The following POLL variants were observed in gnomAD, a reference collection of about 807,000 sequenced individuals.
POLL encodes the protein DNA polymerase lambda, also known as DNA polymerase beta-2.
A neutral mutation model predicts 58.1 loss-of-function variants in POLL; 44 were observed. The observed-to-expected ratio is 0.76, with a 90% CI of 0.60 to 0.97. The LOEUF (loss-of-function observed/expected upper bound fraction) is 0.97, where lower values mean the gene tolerates loss of function less well. Ranked by LOEUF, POLL falls within the 50% of genes least tolerant of loss-of-function variation. The pLI is 0.00. For synonymous variants in POLL, 290 were observed against 283.2 expected (o/e 1.02, Z -0.24); for missense variants, 632 against 736.8 (o/e 0.86, Z 1.65).
chr10:101,579,027 CCA>C lies in POLL; in HGVS notation c.*424_*425del, dbSNP rs2062834963. 2 of 214,910 alleles carry C rather than the reference CCA, an allele frequency of 9.3e-6. No individual in the cohort carries two copies. The highest frequency in any genetic ancestry group is 1.9e-5 in the Non-Finnish European group (2 of 106,752). 13.3% of individuals were successfully genotyped at this position (214,910 alleles called of 1,614,324 possible). On this transcript the variant is annotated 3_prime_UTR_variant, in exon 9 of 9. Transcript: ENST00000370162. The surrounding 1 kb of genome is among the most constrained non-coding windows in gnomAD (Gnocchi z 4.4). ...CATGTGGAATGGCTGTTCTCCTACC[CCA>C]GAGGGTGCCGGATGATGTTGACAGC...
chr10:101,581,286 C>A (rs2062973249), intron 7 of POLL: 1 of 152,294 alleles, frequency 6.6e-6, no homozygotes, highest in South Asian at 2.1e-4. Context: ...CATCAAAACT[C>A]CTATGGCTGG....
chr10:101,585,498 A>G lies in POLL; in HGVS notation c.411-20T>C. 2.0e-6 allele frequency: 3 copies of G among 1,502,076 alleles called. No individual in the cohort carries two copies. The highest frequency in any genetic ancestry group is 1.8e-6 in the Non-Finnish European group (2 of 1,123,828). The allele number at this position is 1,502,076 out of a possible 1,614,324, so 93.0% of individuals were successfully genotyped here. ...AAGTACCTGTGGGGATGGTGATGGG[A>G]GGTTAAGACACCAAAGGTCTCACCC... On this transcript the variant is annotated intron_variant, in intron 3 of 8. Transcript: ENST00000370162.
rs1465176639 is a variant in POLL, at chr10:101,579,699, C to T, written c.1482G>A (p.Val494=). The change falls in exon 9 of 9, where the codon GTG becomes GTA. Residue 494 remains valine (V), a synonymous_variant. Coordinates refer to ENST00000370162, the MANE Select transcript of POLL (RefSeq NM_001174084.2). This position sits in a 1 kb window ranked among gnomAD's most constrained non-coding sequence, Gnocchi z 4.4. The stretch of plus-strand genomic sequence containing the variant: ...GGGCACAGGCAAACTCGCTATAGGG[C>T]ACCACGATGATGTCCAGGCGCCGGT... ...RRHRRLDIIV[V]PYSEFACALL... 4 of 1,613,856 alleles carry T rather than the reference C, an allele frequency of 2.5e-6. No individual in the cohort carries two copies. Among genetic ancestry groups the T allele is most frequent in the Non-Finnish European group, 8.5e-7 (1 of 1,180,016 alleles).
chr10:101,587,082 A>G, intron 2 of POLL, 164 bp downstream of exon 2: 1 of 1,498,708 alleles, frequency 6.7e-7, no homozygotes. Flanking sequence ...CCTGTCCAAG[A>G]CCCAGGACCA....
rs757431937 is a variant in POLL, at chr10:101,580,452, C to A, written c.1195-36G>T. 1 of 1,597,264 alleles carries A rather than the reference C, an allele frequency of 6.3e-7. No individual in the cohort carries two copies. The highest frequency in any genetic ancestry group is 1.3e-5 in the African/African-American group (1 of 74,672). On this transcript the variant is annotated intron_variant, in intron 7 of 8. Coordinates refer to ENST00000370162, the MANE Select transcript of POLL (RefSeq NM_001174084.2). This position sits in a 1 kb window ranked among gnomAD's most constrained non-coding sequence, Gnocchi z 4.1. The stretch of plus-strand genomic sequence containing the variant: ...GAGCGGTGACAGGTGAGGGGCTGTG[C>A]GTGGGGAGCTCCTCTCCCACAGCAG...
Position 101,587,832 on chromosome 10 carries a change from G to A in POLL, c.-57C>T. On this transcript the variant is annotated 5_prime_UTR_variant, in exon 1 of 9. Transcript: ENST00000370162. ...ATACTATTTCTCTACCTCCAACACA[G>A]ACTCGCAGAGGAAGGAGGAGGACTT... is the stretch of plus-strand genomic sequence containing the variant. The A allele has an allele frequency of 1.7e-6, 2 of 1,190,390 alleles. No homozygotes were observed. The highest frequency in any genetic ancestry group is 3.1e-5 in the South Asian group (2 of 64,120). 73.7% of individuals were successfully genotyped at this position (1,190,390 alleles called of 1,614,324 possible). A position where few individuals can be genotyped will look rare whatever the true frequency, so the allele number is the denominator to read the frequency against.
Position 101,580,489 on chromosome 10 carries a change from TC to T in POLL, c.1195-74del. 1 of 1,396,210 alleles carries T rather than the reference TC, an allele frequency of 7.2e-7. No individual in the cohort carries two copies. The highest frequency in any genetic ancestry group is 9.9e-7 in the Non-Finnish European group (1 of 1,005,450). The allele number at this position is 1,396,210 out of a possible 1,614,324, so 86.5% of individuals were successfully genotyped here. On this transcript the variant is annotated intron_variant, in intron 7 of 8. Transcript: ENST00000370162. This position sits in a 1 kb window ranked among gnomAD's most constrained non-coding sequence, Gnocchi z 4.1. Reference sequence around the variant, plus strand: ...CTCTCCCACAGCAGTACAAGGGCCTTCCCAGACTCGGGCCCACACCCTCAGC... The same window carrying T: ...CTCTCCCACAGCAGTACAAGGGCCTTCCAGACTCGGGCCCACACCCTCAGC...
rs377729113 is a variant in POLL at position 101,579,549 on chromosome 10, C to G, written c.1632G>C (p.Lys544Asn). 6.2e-7 allele frequency: 1 copy of G among 1,614,002 alleles called. No homozygotes were observed. The highest frequency in any genetic ancestry group is 2.2e-5 in the East Asian group (1 of 44,872). The stretch of plus-strand genomic sequence containing the variant: ...TGGGCAGCACTCGGCCAGGCCCCAC[C>G]TTGCAGCCATGGGTGTTCCGGACCA... ...TAVVRNTHGC[K>N]VGPGRVLPTP... The change falls in exon 9 of 9, where the codon AAG (lysine) becomes AAC (asparagine). Residue 544 changes from lysine to asparagine, a missense_variant. Coordinates refer to ENST00000370162, the MANE Select transcript of POLL (RefSeq NM_001174084.2). The surrounding 1 kb of genome is among the most constrained non-coding windows in gnomAD (Gnocchi z 4.4).
intron 3 of POLL, 140 bp from the exon 4 acceptor site, chr10:101,585,618 C>T: frequency 1.2e-6 from 1 of 822,568 alleles, no homozygotes; most frequent in Non-Finnish European, 1.8e-6. Flanking sequence ...TGGAGTTTCT[C>T]TTGAGACAGG....
chr10:101,579,774 C>T lies in POLL; in HGVS notation c.1407G>A (p.Gln469=). The change falls in exon 9 of 9, where the codon CAG becomes CAA. Residue 469 remains glutamine (Q), a synonymous_variant. Coordinates refer to ENST00000370162, the MANE Select transcript of POLL (RefSeq NM_001174084.2). The surrounding 1 kb of genome is among the most constrained non-coding windows in gnomAD (Gnocchi z 4.4). ...DDLVSQEENG[Q]QQKYLGVCRL... is the part of the protein sequence containing the mutation. ...GGCACACCCCCAAGTACTTCTGTTGCTGACCATTCTCCTCTTGGCTCACCA... is the reference window on the plus strand; with the variant it reads ...GGCACACCCCCAAGTACTTCTGTTGTTGACCATTCTCCTCTTGGCTCACCA... The T allele has an allele frequency of 6.2e-7, 1 of 1,613,840 alleles. No homozygotes were observed. The highest frequency in any genetic ancestry group is 2.2e-5 in the East Asian group (1 of 44,870).
Position 101,579,891 on chromosome 10 carries a change from T to C in POLL, c.1364-74A>G. 6.6e-7 allele frequency: 1 copy of C among 1,518,108 alleles called. No individual in the cohort carries two copies. The highest frequency in any genetic ancestry group is 8.9e-7 in the Non-Finnish European group (1 of 1,128,514). The allele number at this position is 1,518,108 out of a possible 1,614,324, so 94.0% of individuals were successfully genotyped here. Reference sequence around the variant, plus strand: ...CTGTCCCATCCTCCCAGGTCTCTCCTGATGTCTAAGCTGGGGCTTGCCCAG... The same window carrying C: ...CTGTCCCATCCTCCCAGGTCTCTCCCGATGTCTAAGCTGGGGCTTGCCCAG... On this transcript the variant is annotated intron_variant, in intron 8 of 8. Transcript: ENST00000370162. The surrounding 1 kb of genome is among the most constrained non-coding windows in gnomAD (Gnocchi z 4.4).
rs888231896 is a variant in POLL, at chr10:101,579,964, T to C, written c.1364-147A>G. On this transcript the variant is annotated intron_variant, in intron 8 of 8. Coordinates refer to ENST00000370162, the MANE Select transcript of POLL (RefSeq NM_001174084.2). The surrounding 1 kb of genome is among the most constrained non-coding windows in gnomAD (Gnocchi z 4.4). ...CTCTCTGGGCCCTTCTCCTTTTCTG[T>C]AAAACATGGATAGTAATTCCCATCT... 59 of 867,924 alleles carry C rather than the reference T, an allele frequency of 6.8e-5. No homozygotes were observed. Among genetic ancestry groups the C allele is most frequent in the Non-Finnish European group, 8.0e-5 (46 of 575,756 alleles). The allele number at this position is 867,924 out of a possible 1,614,324, so 53.8% of individuals were successfully genotyped here.
At position 101,583,520 on chromosome 10, in the gene POLL, C is replaced by T. The variant is rs542569736; in HGVS notation, c.1053G>A (p.Met351Ile). The part of the protein sequence containing the change: ...IWGAGTKTAQ[M>I]WYQQGFRSLE... ...GCCAGGGTGTGACCTGTTGGTACCA[C>T]ATCTGGGCAGTCTTGGTCCCAGCTC... The change falls in exon 6 of 9, where the codon ATG (methionine) becomes ATA (isoleucine). Residue 351 changes from methionine to isoleucine, a missense_variant. Coordinates refer to ENST00000370162, the MANE Select transcript of POLL (RefSeq NM_001174084.2). 5 of 1,612,884 alleles carry T rather than the reference C, an allele frequency of 3.1e-6. No individual in the cohort carries two copies. The African/African-American group carries it at 4.0e-5, about 13-fold the overall frequency.
Position 101,580,680 on chromosome 10 carries a change from C to G in POLL, c.1195-264G>C, listed in dbSNP as rs868195736. On this transcript the variant is annotated intron_variant, in intron 7 of 8. Transcript: ENST00000370162. This position sits in a 1 kb window ranked among gnomAD's most constrained non-coding sequence, Gnocchi z 4.1. ...CCGGCTCTGCTTCTGAGAGTGGGCA[C>G]TGAGCTTGCCCTGTGGAGCTCTTTA... 5 of 433,040 alleles carry G rather than the reference C, an allele frequency of 1.2e-5. No individual in the cohort carries two copies. Among genetic ancestry groups the G allele is most frequent in the African/African-American group, 6.1e-5 (3 of 49,462 alleles). 26.8% of individuals were successfully genotyped at this position (433,040 alleles called of 1,614,324 possible).
chr10:101,588,168 T>C lies in POLL; in HGVS notation c.-393A>G, dbSNP rs1346769315. 5 of 1,523,052 alleles carry C rather than the reference T, an allele frequency of 3.3e-6. No individual in the cohort carries two copies. The highest frequency in any genetic ancestry group is 4.4e-6 in the Non-Finnish European group (5 of 1,137,208). The allele number at this position is 1,523,052 out of a possible 1,614,324, so 94.3% of individuals were successfully genotyped here. A position where few individuals can be genotyped will look rare whatever the true frequency, so the allele number is the denominator to read the frequency against. On this transcript the variant is annotated 5_prime_UTR_variant, in exon 1 of 9. Transcript: ENST00000370162. ...GGGTGGGGTCGACTACTGGCCAAGC[T>C]AGTCACCCGGGGGTGGGCAGGAATA... is the stretch of plus-strand genomic sequence containing the variant.
rs147811477 is a variant in POLL, at chr10:101,584,741, T to C, written c.752A>G (p.Asn251Ser). The C allele has an allele frequency of 7.4e-5, 120 of 1,613,962 alleles. No homozygotes were observed. Among genetic ancestry groups the C allele is most frequent in the African/African-American group, 2.1e-4 (16 of 74,916 alleles). The stretch of plus-strand genomic sequence containing the variant: ...CTTCTCTGTGATATGGAGGTTGTGA[T>C]TGGTCGCCTTCTGGCTTGAGGGCTG... ...CAQPSSQKAT[N>S]HNLHITEKLE... is the part of the protein sequence containing the mutation. The change falls in exon 5 of 9, where the codon AAT becomes AGT. Residue 251 changes from asparagine to serine, a missense_variant. By Grantham distance (46) the Asn-to-Ser change is conservative. Transcript: ENST00000370162.
chr10:101,587,834 C>G lies in POLL; in HGVS notation c.-59G>C. 1 of 1,190,586 alleles carries G rather than the reference C, an allele frequency of 8.4e-7. No homozygotes were observed. Among genetic ancestry groups the G allele is most frequent in the Admixed American group, 3.8e-5 (1 of 26,520 alleles). The allele number at this position is 1,190,586 out of a possible 1,614,324, so 73.8% of individuals were successfully genotyped here. A position where few individuals can be genotyped will look rare whatever the true frequency, so the allele number is the denominator to read the frequency against. ...ACTATTTCTCTACCTCCAACACAGACTCGCAGAGGAAGGAGGAGGACTTTC... is the reference window on the plus strand; with the variant it reads ...ACTATTTCTCTACCTCCAACACAGAGTCGCAGAGGAAGGAGGAGGACTTTC... On this transcript the variant is annotated 5_prime_UTR_variant, in exon 1 of 9. Coordinates refer to ENST00000370162, the MANE Select transcript of POLL (RefSeq NM_001174084.2).
Position 101,580,585 on chromosome 10 carries a change from T to C in POLL, c.1195-169A>G. The C allele has an allele frequency of 1.6e-6, 1 of 606,920 alleles. No individual in the cohort carries two copies. Among genetic ancestry groups the C allele is most frequent in the Non-Finnish European group, 2.9e-6 (1 of 345,858 alleles). The allele number at this position is 606,920 out of a possible 1,614,324, so 37.6% of individuals were successfully genotyped here. A position where few individuals can be genotyped will look rare whatever the true frequency, so the allele number is the denominator to read the frequency against. On this transcript the variant is annotated intron_variant, in intron 7 of 8. Transcript: ENST00000370162. This position sits in a 1 kb window ranked among gnomAD's most constrained non-coding sequence, Gnocchi z 4.1. ...CCTGAGGAGCTGCTGTTCTTTCCCT[T>C]CGCTAGGACAGGAGAGAAGAAAAAG... is the stretch of plus-strand genomic sequence containing the variant.
intron 5 of POLL, among the ~76,000 whole-genome samples, chr10:101,584,084 G>T (rs1233188796): frequency 1.3e-5 from 2 of 152,274 alleles, no homozygotes; most frequent in East Asian, 3.9e-4. Context: ...CTGATGCTTT[G>T]AGAGTTTAAG....
Sources: allele counts gnomAD v4.1 joint callset (sites outside exome capture counted in the v4.1 genomes callset), GRCh38; gene constraint gnomAD v4.1.1; non-coding constraint Gnocchi (gnomAD v3.1); transcripts MANE v1.5; gene names NCBI Gene and HGNC (gene_info 2026-07-23, HGNC 2026-07-21).